The following ATG4C variants were observed in gnomAD, a reference collection of about 807,000 sequenced individuals.
The protein encoded by ATG4C is cysteine protease ATG4C.
Under a neutral mutation model 57.6 loss-of-function variants are expected in ATG4C, and 56 were observed. The ratio of observed to expected loss-of-function variants is 0.97; its 90% CI spans 0.78 to 1.21. ATG4C has a LOEUF of 1.21. ATG4C is among the 50% of genes most tolerant of loss of function. ATG4C has a pLI of 0.00. For missense variants in ATG4C, 595 were observed against 529.8 expected (o/e 1.12, Z -1.21); for synonymous variants, 157 against 174.1 (o/e 0.90, Z 0.78).
intron 1 of ATG4C, among the ~76,000 whole-genome samples, chr1:62,802,021 C>T (rs919562917): frequency 8.2e-5 from 12 of 146,600 alleles, no homozygotes; most frequent in Non-Finnish European, 1.5e-4. Flanking sequence ...GCTTGTGTTT[C>T]TCAGAGACAT....
Position 62,803,729 on chromosome 1 carries a change from A to G in ATG4C, c.-58A>G, listed in dbSNP as rs1664758828. On this transcript the variant is annotated 5_prime_UTR_variant, in exon 2 of 11. Transcript: ENST00000317868. The stretch of plus-strand genomic sequence containing the variant: ...CCTTAATTTTTAAAGTCAGTATAAA[A>G]GATTAAACTCTACAGAAGAATGCAA... 2.8e-5 allele frequency: 35 copies of G among 1,239,604 alleles called. No individual in the cohort carries two copies. Among genetic ancestry groups the G allele is most frequent in the Non-Finnish European group, 4.0e-5 (35 of 872,102 alleles). The allele number at this position is 1,239,604 out of a possible 1,614,324, so 76.8% of individuals were successfully genotyped here.
At chr1:62,801,263 C>T (rs1327979764) in intron 1 of ATG4C, among the ~76,000 whole-genome samples, 1 of 152,188 alleles carries the variant, frequency 6.6e-6, no homozygotes, top group Non-Finnish European at 1.5e-5. Flanking sequence ...TTATAGCTTT[C>T]ATTCTCGTTT....
intron 1 of ATG4C, among the ~76,000 whole-genome samples, chr1:62,785,568 G>A (rs574544693): frequency 1.6e-3 from 240 of 152,288 alleles, no homozygotes; most frequent in African/African-American, 5.5e-3. Context: ...GAACAGCATC[G>A]TATTCTGTTC....
intron 10 of ATG4C, among the ~76,000 whole-genome samples, chr1:62,844,073 A>G (rs1030457081): frequency 6.6e-6 from 1 of 152,200 alleles, no homozygotes; most frequent in Non-Finnish European, 1.5e-5. Context: ...GTATAGAAGG[A>G]AAGTGGAGAG....
At chr1:62,809,596 T>A (rs1009621435) in intron 3 of ATG4C, among the ~76,000 whole-genome samples, 1 of 147,022 alleles carries the variant, frequency 6.8e-6, no homozygotes, top group African/African-American at 2.5e-5. Context: ...ACTAATGTAA[T>A]TTATATAATT....
intron 3 of ATG4C, among the ~76,000 whole-genome samples, chr1:62,810,219 T>C (rs1328564706): frequency 6.6e-6 from 1 of 152,196 alleles, no homozygotes; most frequent in Non-Finnish European, 1.5e-5. Context: ...GAGGTTACTA[T>C]GTGCCAGGCA....
intron 10 of ATG4C, among the ~76,000 whole-genome samples, chr1:62,863,731 T>C (rs1255822674): frequency 2.6e-5 from 4 of 152,040 alleles, no homozygotes; most frequent in Non-Finnish European, 5.9e-5. Flanking sequence ...AAAACTTACT[T>C]TGGGGAAGTG....
chr1:62,861,945 A>T (rs978758736), intron 10 of ATG4C, among the ~76,000 whole-genome samples: 4 of 152,172 alleles, frequency 2.6e-5, no homozygotes, highest in African/African-American at 4.8e-5. Context: ...CTTGTAATAT[A>T]AAAAAGAACA....
At chr1:62,791,067 T>G (rs1369580842) in intron 1 of ATG4C, among the ~76,000 whole-genome samples, 2 of 152,252 alleles carry the variant, frequency 1.3e-5, no homozygotes, top group African/African-American at 4.8e-5. Context: ...CCCTGTGATA[T>G]TATTCATGTG....
chr1:62,825,264 G>A (rs555596479), intron 6 of ATG4C, among the ~76,000 whole-genome samples: 146 of 147,940 alleles, frequency 9.9e-4, no homozygotes, highest in African/African-American at 3.1e-3. Flanking sequence ...AGCATGAGCC[G>A]TTGTGCCCAC....
At chr1:62,837,360 C>T (rs1192755809) in intron 9 of ATG4C, among the ~76,000 whole-genome samples, 1 of 152,106 alleles carries the variant, frequency 6.6e-6, no homozygotes, top group African/African-American at 2.4e-5. Context: ...AGGAATGGAG[C>T]ACATGGTTCA....
chr1:62,791,486 T>A (rs551731513), intron 1 of ATG4C, among the ~76,000 whole-genome samples: 85 of 152,296 alleles, frequency 5.6e-4, no homozygotes, highest in Non-Finnish European at 1.1e-3. Context: ...TTATTCCTTA[T>A]AGTTAACAAA....
At chr1:62,801,976 AAAAAAAAAAG>A (rs1208982473) in intron 1 of ATG4C, among the ~76,000 whole-genome samples, 20 of 146,544 alleles carry the variant, frequency 1.4e-4, no homozygotes, top group Non-Finnish European at 2.3e-4. Context: ...AAAAAAAAAA[AAAAAAAAAAG>A]AAAAAAAGAA....
At position 62,815,659 on chromosome 1, in the gene ATG4C, G is replaced by A. The variant is rs542222697; in HGVS notation, c.161-916G>A. On this transcript the variant is annotated intron_variant, in intron 3 of 10. Transcript: ENST00000317868. ...ATCCTCATCCTCACACTTCAGCCTCGCAAGTATCTGCACCGCACCTGGTTA... is the reference window on the plus strand; with the variant it reads ...ATCCTCATCCTCACACTTCAGCCTCACAAGTATCTGCACCGCACCTGGTTA... Among the ~76,000 whole-genome samples the A allele has an allele frequency of 8.5e-5, 13 of 152,060 alleles. No homozygotes were observed. The South Asian group carries it at 1.2e-3, about 15-fold the overall frequency.
chr1:62,833,963 A>C (rs894376160), intron 7 of ATG4C, 75 bp from the exon 8 acceptor site: 1 of 1,245,202 alleles, frequency 8.0e-7, no homozygotes, highest in Non-Finnish European at 1.1e-6. Flanking sequence ...TACTAATATT[A>C]GTAATAGAAA....
Position 62,793,176 on chromosome 1 carries a change from G to A in ATG4C, c.-69+8903G>A, listed in dbSNP as rs368787915. On this transcript the variant is annotated intron_variant, in intron 1 of 10. Coordinates refer to ENST00000317868, the MANE Select transcript of ATG4C (RefSeq NM_032852.4). ...GCTGGGACTACAGGCGTGAGCCACC[G>A]CGCCCGGCCATGATTTTTTAAATTC... Among the ~76,000 whole-genome samples the A allele has an allele frequency of 4.6e-5, 7 of 151,216 alleles. No individual in the cohort carries two copies. The East Asian group carries it at 1.2e-3, about 25-fold the overall frequency.
At chr1:62,785,766 T>C (rs545813735) in intron 1 of ATG4C, among the ~76,000 whole-genome samples, 1 of 152,326 alleles carries the variant, frequency 6.6e-6, no homozygotes, top group South Asian at 2.1e-4. Context: ...TTAATACTGG[T>C]ACAATGTTAA....
chr1:62,826,532 G>T (rs1018447858), intron 6 of ATG4C, among the ~76,000 whole-genome samples: 1 of 151,828 alleles, frequency 6.6e-6, no homozygotes, highest in Admixed American at 6.6e-5. Context: ...TACCACGCCC[G>T]GCCGACCATT....
At chr1:62,793,049 G>C (rs1322050556) in intron 1 of ATG4C, among the ~76,000 whole-genome samples, 2 of 151,738 alleles carry the variant, frequency 1.3e-5, no homozygotes, top group Non-Finnish European at 2.9e-5. Flanking sequence ...ACCACGCCCG[G>C]CTAATTTTTT....
Sources: allele counts gnomAD v4.1 joint callset (sites outside exome capture counted in the v4.1 genomes callset), GRCh38; gene constraint gnomAD v4.1.1; transcripts MANE v1.5; gene names NCBI Gene and HGNC (gene_info 2026-07-23, HGNC 2026-07-21).